PIGS: variants seen among roughly 807,000 people sequenced by gnomAD.
PIGS encodes the protein GPI-anchor transamidase component PIGS.
In PIGS, 37 loss-of-function variants were observed where a neutral mutation model predicts 58.2. The observed-to-expected ratio is 0.64, with a 90% CI of 0.49 to 0.84. The LOEUF (loss-of-function observed/expected upper bound fraction) is 0.84, where lower values mean the gene tolerates loss of function less well. Ranked by LOEUF, PIGS falls within the 40% of genes least tolerant of loss-of-function variation. PIGS has a pLI of 0.00. For synonymous variants in PIGS, 269 were observed against 289.2 expected, an observed-to-expected ratio of 0.93 and a Z score of 0.71; for missense variants, 629 against 710.8, an observed-to-expected ratio of 0.88 and a Z score of 1.31.
intron 10 of PIGS, 24 bp downstream of exon 10, chr17:28,556,142 C>A (rs2070325859): frequency 6.3e-7 from 1 of 1,584,610 alleles, no homozygotes; most frequent in Middle Eastern, 1.7e-4. Flanking sequence ...ACTATGTCCC[C>A]AAGTGGATCA....
At chr17:28,558,664 C>T in intron 7 of PIGS, 74 bp from the exon 8 acceptor site, 13 of 1,242,944 alleles carry the variant, frequency 1.0e-5, no homozygotes, top group Non-Finnish European at 1.5e-5. Context: ...ATTTGAGGTG[C>T]CTTAAAAAAG....
In PIGS at chr17:28,561,608, G is replaced by A. The variant is rs373255159; in HGVS notation, c.490C>T (p.Pro164Ser). 7 of 1,612,676 alleles carry A rather than the reference G, an allele frequency of 4.3e-6. No homozygotes were observed. The African/African-American group carries it at 6.7e-5, about 15-fold the overall frequency. ...LPQDMMSYIG[P>S]KRTAVVRGIM... ...CCCCGCACCACTGCTGTCCTCTTGGGCCCAATGTAGCTCATCATGTCCTGT... is the reference window on the plus strand; with the variant it reads ...CCCCGCACCACTGCTGTCCTCTTGGACCCAATGTAGCTCATCATGTCCTGT... The change falls in exon 6 of 12, where the codon CCC (proline) becomes TCC (serine). Residue 164 changes from proline (P) to serine (S), a missense_variant. By Grantham distance (74) the Pro-to-Ser change is moderately conservative. Coordinates refer to ENST00000308360, the MANE Select transcript of PIGS (RefSeq NM_033198.4).
intron 1 of PIGS, 50 bp from the exon 2 acceptor site, chr17:28,571,238 G>C: frequency 1.3e-6 from 2 of 1,586,668 alleles, no homozygotes. Context: ...CTAGGGTACC[G>C]GCCCCATCCC....
At chr17:28,562,676 C>A (rs1050158773) in intron 5 of PIGS, among the ~76,000 whole-genome samples, 1 of 151,560 alleles carries the variant, frequency 6.6e-6, no homozygotes, top group Non-Finnish European at 1.5e-5. Context: ...TCAAGTGATC[C>A]GCCTGCCTCG....
At chr17:28,560,517 G>A (rs949879013) in intron 6 of PIGS, among the ~76,000 whole-genome samples, 1 of 151,472 alleles carries the variant, frequency 6.6e-6, no homozygotes, top group Admixed American at 6.6e-5. Context: ...GGTGGCTCAC[G>A]CTGTAATCCC....
intron 6 of PIGS, 59 bp from the exon 7 acceptor site, chr17:28,560,250 C>G: frequency 3.9e-6 from 6 of 1,551,432 alleles, no homozygotes; most frequent in Non-Finnish European, 5.3e-6. Context: ...AGAGGGGCAG[C>G]CTGTACTCCC....
chr17:28,556,832 T>A lies in PIGS; in HGVS notation c.1075A>T (p.Ile359Phe). The A allele has an allele frequency of 6.2e-7, 1 of 1,613,660 alleles. No individual in the cohort carries two copies. The highest frequency in any genetic ancestry group is 8.5e-7 in the Non-Finnish European group (1 of 1,179,832). Reference protein sequence around the residue: ...NAFHSPRWGGIMVYNVDSKTY... With the variant: ...NAFHSPRWGGFMVYNVDSKTY... ...CTGCGTAGTGTGACTATTACCATAATGCCACCCCAGCGGGGACTATGGAAG... is the reference window on the plus strand; with the variant it reads ...CTGCGTAGTGTGACTATTACCATAAAGCCACCCCAGCGGGGACTATGGAAG... Residue 359 changes from isoleucine to phenylalanine, a missense_variant, in exon 9 of 12, where the codon ATT becomes TTT. Ile to Phe is a conservative substitution (Grantham distance 21, BLOSUM62 0). Coordinates refer to ENST00000308360, the MANE Select transcript of PIGS (RefSeq NM_033198.4).
At chr17:28,564,433 G>A (rs2070383353) in intron 3 of PIGS, among the ~76,000 whole-genome samples, 1 of 152,104 alleles carries the variant, frequency 6.6e-6, no homozygotes, top group African/African-American at 2.4e-5. Flanking sequence ...CCAGGTATGT[G>A]CCAGACATGG....
chr17:28,571,003 C>G, intron 2 of PIGS, 40 bp from the exon 3 acceptor site: 1 of 1,614,202 alleles, frequency 6.2e-7, no homozygotes. Flanking sequence ...GAGTCTCCAC[C>G]TTGCCGGGGG....
Position 28,554,160 on chromosome 17 carries a change from C to T in PIGS, c.*60G>A. 1 of 1,583,178 alleles carries T rather than the reference C, an allele frequency of 6.3e-7. No homozygotes were observed. Among genetic ancestry groups the T allele is most frequent in the East Asian group, 2.2e-5 (1 of 44,578 alleles). On this transcript the variant is annotated 3_prime_UTR_variant, in exon 12 of 12. Transcript: ENST00000308360. ...CGGCAGGCCCCATGTACGTGCCTCACAATCTAACACCGCCCACCTTGGCCA... is the reference window on the plus strand; with the variant it reads ...CGGCAGGCCCCATGTACGTGCCTCATAATCTAACACCGCCCACCTTGGCCA...
chr17:28,554,437 A>T lies in PIGS; in HGVS notation c.1451T>A (p.Leu484Gln). ...CTGGCTGGCGACAAAGGCAGATGCCAGGTGCCCAGACGCCAACTCTTCTGC... is the reference window on the plus strand; with the variant it reads ...CTGGCTGGCGACAAAGGCAGATGCCTGGTGCCCAGACGCCAACTCTTCTGC... Reference protein sequence around the residue: ...KSAEELASGHLASAFVASQEA... With the variant: ...KSAEELASGHQASAFVASQEA... Residue 484 changes from leucine (L) to glutamine (Q), a missense_variant, in exon 12 of 12, where the codon CTG (leucine) becomes CAG (glutamine). By Grantham distance (113) the Leu-to-Gln change is moderately radical. Coordinates refer to ENST00000308360, the MANE Select transcript of PIGS (RefSeq NM_033198.4). 1 of 1,614,216 alleles carries T rather than the reference A, an allele frequency of 6.2e-7. No individual in the cohort carries two copies. Among genetic ancestry groups the T allele is most frequent in the Non-Finnish European group, 8.5e-7 (1 of 1,180,030 alleles).
In PIGS at chr17:28,561,929, G is replaced by A. The variant is rs112391438; in HGVS notation, c.469-300C>T. On this transcript the variant is annotated intron_variant, in intron 5 of 11. Transcript: ENST00000308360. ...AGATGGCATGCTGAGCAAGAAAAGC[G>A]GAATAAACAGACAACTGGAGAGTCT... is the stretch of plus-strand genomic sequence containing the variant. 1.2e-3 allele frequency: 348 copies of A among 300,232 alleles called. 3 individuals are homozygous for A. Among genetic ancestry groups the A allele is most frequent in the African/African-American group, 6.3e-3 (290 of 46,306 alleles). The allele number at this position is 300,232 out of a possible 1,614,324, so 18.6% of individuals were successfully genotyped here.
chr17:28,560,642 G>C lies in PIGS; in HGVS notation c.677-451C>G, dbSNP rs551679616. Among the ~76,000 whole-genome samples, 5 of 152,222 alleles carry C rather than the reference G, an allele frequency of 3.3e-5. No homozygotes were observed. In the South Asian group the frequency reaches 6.2e-4, roughly 19 times the overall value. ...AAAATACAAAAATTAGCTAGGCATG[G>C]TGGTGGGCGCCTGTAATCCCAACTA... On this transcript the variant is annotated intron_variant, in intron 6 of 11. Coordinates refer to ENST00000308360, the MANE Select transcript of PIGS (RefSeq NM_033198.4).
At chr17:28,566,271 CTTTTTT>C (rs57310687) in intron 3 of PIGS, among the ~76,000 whole-genome samples, 1 of 97,810 alleles carries the variant, frequency 1.0e-5, no homozygotes, top group Non-Finnish European at 1.9e-5. Flanking sequence ...TTTTTCTTTT[CTTTTTT>C]TTTTTTTTTT....
At chr17:28,556,306 C>T (rs749535921) in intron 9 of PIGS, 40 bp from the exon 10 acceptor site, 2 of 1,455,262 alleles carry the variant, frequency 1.4e-6, no homozygotes, top group East Asian at 2.3e-5. Flanking sequence ...TCATACCAGG[C>T]CCTTGCACAG....
intron 7 of PIGS, among the ~76,000 whole-genome samples, chr17:28,559,201 T>C (rs2070348146): frequency 6.6e-6 from 1 of 151,710 alleles, no homozygotes; most frequent in Non-Finnish European, 1.5e-5. Context: ...GGTCTTGATC[T>C]CCTAACCTCG....
At chr17:28,558,375 G>T in intron 8 of PIGS, 101 bp downstream of exon 8, 1 of 940,416 alleles carries the variant, frequency 1.1e-6, no homozygotes. Context: ...AACCATCACT[G>T]TATATAATCC....
Position 28,558,482 on chromosome 17 carries a change from G to A in PIGS, c.928C>T (p.Arg310Trp), listed in dbSNP as rs948764338. Residue 310 changes from arginine to tryptophan, a missense_variant, in exon 8 of 12, where the codon CGG becomes TGG. Transcript: ENST00000308360. ...CTCATCCTTAGGTGCTCACCCAGCC[G>A]GGACTCCACTGGGTTGATGACATGG... ...LPHVINPVESRLGSSAASLYP... is the reference protein window; with the variant it reads ...LPHVINPVESWLGSSAASLYP... 51 of 1,610,392 alleles carry A rather than the reference G, an allele frequency of 3.2e-5. No individual in the cohort carries two copies. The highest frequency in any genetic ancestry group is 4.0e-5 in the Non-Finnish European group (47 of 1,177,930).
At chr17:28,567,377 G>A (rs561476097) in intron 3 of PIGS, among the ~76,000 whole-genome samples, 97 of 151,954 alleles carry the variant, frequency 6.4e-4, no homozygotes, top group African/African-American at 1.4e-3. Flanking sequence ...GAAGCTACTC[G>A]CCAAATCCCA....
Sources: gnomAD v4.1 joint callset for allele counts (sites outside exome capture counted in the v4.1 genomes callset) on GRCh38, gnomAD v4.1.1 for gene constraint, MANE v1.5 for transcripts, NCBI Gene and HGNC (gene_info 2026-07-23, HGNC 2026-07-21) for gene names.